Variants in KIAA1671 observed in about 807,000 individuals in gnomAD.
KIAA1671 encodes the protein KIAA1671, also known as uncharacterized protein KIAA1671.
Under a neutral mutation model 131.2 loss-of-function variants are expected in KIAA1671, and 52 were observed. The ratio of observed to expected loss-of-function variants is 0.40; its 90% CI spans 0.32 to 0.50. The LOEUF is 0.50. Ranked by LOEUF, KIAA1671 falls within the 20% of genes least tolerant of loss-of-function variation. The pLI is 0.73. For synonymous variants in KIAA1671, 1,003 were observed against 961.6 expected (o/e 1.04, Z -0.80); for missense variants, 2,360 against 2,364.2 (o/e 1.00, Z 0.04).
intron 1 of KIAA1671, among the ~76,000 whole-genome samples, chr22:24,983,359 C>CCT: frequency 6.6e-6 from 1 of 152,162 alleles, no homozygotes; most frequent in East Asian, 1.9e-4. Context: ...CAATTGTTGG[C>CCT]GTTTTTTGGC....
chr22:25,112,309 A>G (rs766121444), intron 6 of KIAA1671: 6 of 398,898 alleles, frequency 1.5e-5, no homozygotes, highest in Non-Finnish European at 2.2e-5. Flanking sequence ...GGACGAGTGC[A>G]GAGTCGGCCA....
chr22:25,022,004 G>A (rs1925698315), intron 1 of KIAA1671, among the ~76,000 whole-genome samples: 1 of 151,972 alleles, frequency 6.6e-6, no homozygotes, highest in Admixed American at 6.6e-5. Context: ...TCGATCTCCT[G>A]ACCTCGTGAT....
At chr22:24,969,468 A>C (rs1391774985) in intron 1 of KIAA1671, among the ~76,000 whole-genome samples, 1 of 152,204 alleles carries the variant, frequency 6.6e-6, no homozygotes, top group African/African-American at 2.4e-5. Context: ...AAACCTCTGT[A>C]CATGTTCATT....
At chr22:25,043,949 A>G (rs1927080916) in intron 5 of KIAA1671, among the ~76,000 whole-genome samples, 1 of 152,086 alleles carries the variant, frequency 6.6e-6, no homozygotes, top group East Asian at 1.9e-4. Flanking sequence ...TCTTGTCTGT[A>G]AAAGGGACTA....
At chr22:25,035,069 CAG>C (rs147338728) in intron 4 of KIAA1671, among the ~76,000 whole-genome samples, 11,303 of 127,896 alleles carry the variant, frequency 0.088, 1,653 homozygotes, top group African/African-American at 0.31. Context: ...ATTTTTGAGA[CAG>C]AGTCTTACTC....
chr22:25,128,191 G>C (rs1932271543), intron 6 of KIAA1671, among the ~76,000 whole-genome samples: 1 of 152,222 alleles, frequency 6.6e-6, no homozygotes, highest in Non-Finnish European at 1.5e-5. Flanking sequence ...GAAGGACCCA[G>C]AATCTGCTTT....
At chr22:25,099,537 GT>G (rs1223034273) in intron 6 of KIAA1671, among the ~76,000 whole-genome samples, 1 of 112,140 alleles carries the variant, frequency 8.9e-6, no homozygotes, top group Non-Finnish European at 1.7e-5. Context: ...CAAAATGTGG[GT>G]TTTTTTGTTT....
Position 25,040,161 on chromosome 22 carries a change from A to G in KIAA1671, c.3031A>G (p.Thr1011Ala). The G allele has an allele frequency of 1.9e-6, 3 of 1,551,670 alleles. No homozygotes were observed. Among genetic ancestry groups the G allele is most frequent in the Non-Finnish European group, 8.7e-7 (1 of 1,146,994 alleles). Residue 1011 changes from threonine (T) to alanine (A), a missense_variant, in exon 5 of 13, where the codon ACT (threonine) becomes GCT (alanine). Around this residue, in one of 3 missense-constraint regions of KIAA1671, gnomAD observed 1,161 missense variants for 1,204.7 expected, o/e 0.96. Transcript: ENST00000358431. ...GAACCCAGGTGCTTCACGGGACCAG[A>G]CTTCCCCAGCAGTGAAGCAAGGGTC... Reference protein sequence around the residue: ...EVNPGASRDQTSPAVKQGSPV... With the variant: ...EVNPGASRDQASPAVKQGSPV...
intron 6 of KIAA1671, chr22:25,063,818 A>G (rs1289958114): frequency 1.3e-5 from 2 of 152,236 alleles, no homozygotes; most frequent in Non-Finnish European, 2.9e-5. Context: ...TGTTATGGGT[A>G]TTGGGACACC....
At position 25,030,031 on chromosome 22, in the gene KIAA1671, T is replaced by C. The variant is rs1004036984; in HGVS notation, c.1541+491T>C. On this transcript the variant is annotated intron_variant, in intron 3 of 12. Transcript: ENST00000358431. ...GGGCTAGTCAGTTGGTTAATACTGA[T>C]ATTCTACGTCATTTGGTTAATAATG... Among the ~76,000 whole-genome samples, 20 of 152,376 alleles carry C rather than the reference T, an allele frequency of 1.3e-4. No homozygotes were observed. In the East Asian group the frequency reaches 3.5e-3, roughly 26 times the overall value.
intron 6 of KIAA1671, among the ~76,000 whole-genome samples, chr22:25,165,012 TG>T: frequency 6.8e-6 from 1 of 148,088 alleles, no homozygotes; most frequent in African/African-American, 2.5e-5. Context: ...TGTGTGTGTG[TG>T]TGTGTGTGTC....
At chr22:24,969,509 A>G (rs1222663771) in intron 1 of KIAA1671, among the ~76,000 whole-genome samples, 2 of 152,220 alleles carry the variant, frequency 1.3e-5, no homozygotes, top group African/African-American at 2.4e-5. Context: ...TTTAAAAACA[A>G]TATTTTTCAT....
rs73401807 is a variant in KIAA1671, at chr22:25,117,747, G to A, written c.4531-53073G>A. ...TCTCCATCAGTACTCTCTCCCTACT[G>A]GGGTCCTCCGGCTCTGTAACAAATT... On this transcript the variant is annotated intron_variant, in intron 6 of 12. Coordinates refer to ENST00000358431, the MANE Select transcript of KIAA1671 (RefSeq NM_001145206.2). Among the ~76,000 whole-genome samples the A allele has an allele frequency of 1.3e-3, 193 of 152,086 alleles. 1 individual carries two copies. Among genetic ancestry groups the A allele is most frequent in the African/African-American group, 4.5e-3 (188 of 41,446 alleles).
At chr22:24,992,814 CAAAAAAAAAAAAAAA>C (rs761181079) in intron 1 of KIAA1671, among the ~76,000 whole-genome samples, 41 of 57,382 alleles carry the variant, frequency 7.1e-4, no homozygotes, top group African/African-American at 3.0e-3. Flanking sequence ...GACTCCGTCT[CAAAAAAAAAAAAAAA>C]AAAAAAAAAG....
intron 6 of KIAA1671, among the ~76,000 whole-genome samples, chr22:25,134,100 G>A (rs1039962324): frequency 2.0e-5 from 3 of 152,220 alleles, no homozygotes; most frequent in Non-Finnish European, 2.9e-5. Flanking sequence ...GAGCTTTGCC[G>A]CAGAGTTGGG....
intron 4 of KIAA1671, among the ~76,000 whole-genome samples, chr22:25,035,417 T>C (rs1004106864): frequency 6.6e-6 from 1 of 152,192 alleles, no homozygotes; most frequent in Non-Finnish European, 1.5e-5. Flanking sequence ...GGTAGATGCA[T>C]GTTTTATGTT....
intron 1 of KIAA1671, among the ~76,000 whole-genome samples, chr22:25,000,767 C>CT (rs1240520880): frequency 6.6e-6 from 1 of 151,466 alleles, no homozygotes; most frequent in Non-Finnish European, 1.5e-5. Flanking sequence ...ATCCGCCTGC[C>CT]TCGGCCTCCG....
intron 6 of KIAA1671, among the ~76,000 whole-genome samples, chr22:25,117,965 C>T (rs978289347): frequency 1.3e-5 from 2 of 151,794 alleles, no homozygotes; most frequent in Non-Finnish European, 2.9e-5. Context: ...ATGGAGAAAC[C>T]CCATCTCTAC....
intron 6 of KIAA1671, among the ~76,000 whole-genome samples, chr22:25,132,363 G>T (rs993116502): frequency 6.6e-6 from 1 of 152,166 alleles, no homozygotes; most frequent in Non-Finnish European, 1.5e-5. Flanking sequence ...ATTCTAAGGT[G>T]CAGCCAGGGC....
Sources: allele counts gnomAD v4.1 joint callset (sites outside exome capture counted in the v4.1 genomes callset), GRCh38; gene constraint gnomAD v4.1.1; regional missense constraint gnomAD v4.1.1; transcripts MANE v1.5; gene names NCBI Gene and HGNC (gene_info 2026-07-23, HGNC 2026-07-21).